The following ZFAT variants were observed in gnomAD, a reference collection of about 807,000 sequenced individuals.
ZFAT encodes zinc finger protein ZFAT.
Under a neutral mutation model 117.7 loss-of-function variants are expected in ZFAT, and 64 were observed. That is an observed-to-expected ratio of 0.54 (90% CI 0.44 to 0.67). The LOEUF is 0.67. Ranked by LOEUF, ZFAT falls within the 30% of genes least tolerant of loss-of-function variation. ZFAT has a pLI of 0.00. For synonymous variants in ZFAT, 679 were observed against 615.0 expected (o/e 1.10, Z -1.54); for missense variants, 1,433 against 1,584.5 (o/e 0.90, Z 1.62).
At chr8:134,791,830 T>G in the ZFAT span, among the ~76,000 whole-genome samples, 1 of 152,134 alleles carries the variant, frequency 6.6e-6, no homozygotes, top group African/African-American at 2.4e-5. Flanking sequence ...TTGTGGCAAA[T>G]GAGACATAAG....
At chr8:134,510,926 A>C (rs1360203616) in intron 14 of ZFAT, 2 of 152,354 alleles carry the variant, frequency 1.3e-5, no homozygotes, top group Non-Finnish European at 2.9e-5. Context: ...GAAACAGTGC[A>C]GAAAAGGGAC....
rs1819669618 is a variant in ZFAT, at chr8:134,509,709, C to T, written c.3402G>A (p.Gln1134=). ...GGGTCTCGGCGCCCAGCTCAATGATCTGCTGCAGGATGTTCACGGCCGTGG... is the reference window on the plus strand; with the variant it reads ...GGGTCTCGGCGCCCAGCTCAATGATTTGCTGCAGGATGTTCACGGCCGTGG... ...LDPTAVNILQ[Q]IIELGAETHD... Residue 1134 remains glutamine (Q), a synonymous_variant, in exon 15 of 16, where the codon CAG becomes CAA. Coordinates refer to ENST00000377838, the MANE Select transcript of ZFAT (RefSeq NM_020863.4). 8 of 1,611,360 alleles carry T rather than the reference C, an allele frequency of 5.0e-6. No homozygotes were observed. Among genetic ancestry groups the T allele is most frequent in the Non-Finnish European group, 6.8e-6 (8 of 1,179,250 alleles).
At chr8:134,760,056 G>A in the ZFAT span, among the ~76,000 whole-genome samples, 22 of 150,414 alleles carry the variant, frequency 1.5e-4, 1 homozygote, top group East Asian at 3.1e-3. Context: ...CAAGGCGGGC[G>A]GATCACAAGG....
At chr8:134,671,362 CT>C (rs1431672696) in intron 1 of ZFAT, among the ~76,000 whole-genome samples, 1 of 152,192 alleles carries the variant, frequency 6.6e-6, no homozygotes, top group Non-Finnish European at 1.5e-5. Flanking sequence ...CAATAAAATA[CT>C]GGCAAACCGA....
intron 1 of ZFAT, among the ~76,000 whole-genome samples, chr8:134,664,234 G>C (rs1178213981): frequency 6.6e-6 from 1 of 152,060 alleles, no homozygotes; most frequent in Non-Finnish European, 1.5e-5. Flanking sequence ...GGTCAGAGAG[G>C]CTGACCTCCC....
chr8:134,704,020 T>G (rs1703992629), intron 1 of ZFAT, among the ~76,000 whole-genome samples: 1 of 152,122 alleles, frequency 6.6e-6, no homozygotes, highest in Non-Finnish European at 1.5e-5. Flanking sequence ...TGGGGACCAT[T>G]TTCATGTAAT....
chr8:134,631,816 A>C (rs1359943206), intron 3 of ZFAT, among the ~76,000 whole-genome samples: 1 of 152,186 alleles, frequency 6.6e-6, no homozygotes, highest in East Asian at 1.9e-4. Flanking sequence ...TGTAGGGTGT[A>C]GCCACTGGGG....
the ZFAT span, among the ~76,000 whole-genome samples, chr8:134,734,759 C>T: frequency 3.6e-4 from 55 of 152,262 alleles, no homozygotes; most frequent in African/African-American, 1.3e-3. Context: ...GGCAGGTGCT[C>T]GGGAGCAGGG....
At chr8:134,551,831 ACC>A (rs2130702272) in intron 11 of ZFAT, among the ~76,000 whole-genome samples, 1 of 152,236 alleles carries the variant, frequency 6.6e-6, no homozygotes, top group African/African-American at 2.4e-5. Flanking sequence ...TGTACATACA[ACC>A]ATTTCCCTTT....
At chr8:134,589,156 C>T (rs1219234197) in intron 8 of ZFAT, among the ~76,000 whole-genome samples, 3 of 152,134 alleles carry the variant, frequency 2.0e-5, no homozygotes, top group Non-Finnish European at 2.9e-5. Flanking sequence ...AAAATAATAA[C>T]AAAATAATGT....
At chr8:134,623,637 T>C (rs553343730) in intron 3 of ZFAT, among the ~76,000 whole-genome samples, 1 of 152,054 alleles carries the variant, frequency 6.6e-6, no homozygotes, top group African/African-American at 2.4e-5. Flanking sequence ...CCACAATATG[T>C]CCCCTTATTT....
At chr8:134,706,310 A>C (rs927962605) in intron 1 of ZFAT, among the ~76,000 whole-genome samples, 2 of 152,238 alleles carry the variant, frequency 1.3e-5, no homozygotes, top group African/African-American at 4.8e-5. Flanking sequence ...TGAATCTCAG[A>C]AGCTTTATGT....
At chr8:134,758,095 T>C in the ZFAT span, among the ~76,000 whole-genome samples, 1 of 152,214 alleles carries the variant, frequency 6.6e-6, no homozygotes, top group African/African-American at 2.4e-5. Context: ...GGAAAAAGTA[T>C]TGAAGTTGCA....
chr8:134,578,423 A>AG (rs1343210600), intron 10 of ZFAT, among the ~76,000 whole-genome samples: 2 of 151,680 alleles, frequency 1.3e-5, no homozygotes, highest in Non-Finnish European at 2.9e-5. Context: ...AAAAAAAAAA[A>AG]AAAAAAAAGG....
At chr8:134,599,843 C>T (rs536387499) in intron 7 of ZFAT, 2 of 453,538 alleles carry the variant, frequency 4.4e-6, no homozygotes, top group Non-Finnish European at 4.4e-6. Context: ...CATTGTGTTA[C>T]AAGATCCTCC....
chr8:134,782,228 T>A, the ZFAT span, among the ~76,000 whole-genome samples: 1 of 152,240 alleles, frequency 6.6e-6, no homozygotes, highest in Non-Finnish European at 1.5e-5. Flanking sequence ...TTGTTACTCA[T>A]GTAATCTCTC....
At chr8:134,800,512 G>GT in the ZFAT span, 1 of 507,814 alleles carries the variant, frequency 2.0e-6, no homozygotes, top group Admixed American at 2.0e-5. Context: ...ATGTTAATTG[G>GT]TTGACATTCC....
the ZFAT span, among the ~76,000 whole-genome samples, chr8:134,827,303 C>G: frequency 6.6e-6 from 1 of 151,814 alleles, no homozygotes; most frequent in African/African-American, 2.4e-5. Flanking sequence ...TCTCGGCCTC[C>G]CAAAGTGCTG....
chr8:134,633,901 C>G (rs1830043621), intron 3 of ZFAT, among the ~76,000 whole-genome samples: 2 of 152,084 alleles, frequency 1.3e-5, no homozygotes, highest in Admixed American at 6.6e-5. Context: ...AAAAAATTAG[C>G]CGGGCGTGGT....
Sources: allele counts gnomAD v4.1 joint callset (sites outside exome capture counted in the v4.1 genomes callset), GRCh38; gene constraint gnomAD v4.1.1; transcripts MANE v1.5; gene names NCBI Gene and HGNC (gene_info 2026-07-23, HGNC 2026-07-21).